Variants in OR2L3 observed in about 807,000 individuals in gnomAD.
The protein encoded by OR2L3 is olfactory receptor family 2 subfamily L member 3.
For missense variants in OR2L3, 369 were observed against 376.6 expected, an observed-to-expected ratio of 0.98 and a Z score of 0.17; for synonymous variants, 131 against 139.1, an observed-to-expected ratio of 0.94 and a Z score of 0.41.
chr1:248,047,764 G>A (rs1663125447), intron 1 of OR2L3, among the ~76,000 whole-genome samples: 1 of 152,200 alleles, frequency 6.6e-6, no homozygotes, highest in South Asian at 2.1e-4. Flanking sequence ...TACAGTCATA[G>A]CGGATAAGAA....
chr1:248,060,114 A>C (rs560784780), intron 1 of OR2L3, among the ~76,000 whole-genome samples: 152 of 152,296 alleles, frequency 1.0e-3, no homozygotes, highest in African/African-American at 3.6e-3. Flanking sequence ...TTCAAATATA[A>C]ATCTAAATGT....
At chr1:248,060,593 C>A in intron 1 of OR2L3, 68 bp from the exon 2 acceptor site, 2 of 1,002,876 alleles carry the variant, frequency 2.0e-6, no homozygotes, top group Non-Finnish European at 3.0e-6. Context: ...TACTGAGGGG[C>A]TTCAAATGCA....
At chr1:248,050,735 T>C (rs1047529531) in intron 1 of OR2L3, among the ~76,000 whole-genome samples, 19 of 152,202 alleles carry the variant, frequency 1.2e-4, no homozygotes, top group African/African-American at 4.6e-4. Context: ...ATTTCAAATA[T>C]TACATATTCT....
At chr1:248,052,542 C>T (rs1663293963) in intron 1 of OR2L3, among the ~76,000 whole-genome samples, 1 of 152,064 alleles carries the variant, frequency 6.6e-6, no homozygotes, top group Non-Finnish European at 1.5e-5. Flanking sequence ...TGCTGGCTAA[C>T]ATGGTGAAAC....
intron 1 of OR2L3, among the ~76,000 whole-genome samples, chr1:248,047,126 G>C (rs1663103039): frequency 6.6e-6 from 1 of 152,144 alleles, no homozygotes; most frequent in Non-Finnish European, 1.5e-5. Flanking sequence ...CAATTGAAGA[G>C]ACAGGGATAC....
intron 1 of OR2L3, among the ~76,000 whole-genome samples, chr1:248,056,672 CTT>C (rs36123035): frequency 3.7e-5 from 5 of 135,062 alleles, no homozygotes; most frequent in Admixed American, 7.5e-5. Flanking sequence ...TTTGAGGGGG[CTT>C]TTTTTTTTTT....
chr1:248,061,510 T>G lies in OR2L3; in HGVS notation c.829T>G (p.Tyr277Asp), dbSNP rs746132794. 2 of 1,613,916 alleles carry G rather than the reference T, an allele frequency of 1.2e-6. No individual in the cohort carries two copies. Among genetic ancestry groups the G allele is most frequent in the East Asian group, 2.2e-5 (1 of 44,872 alleles). The change falls in exon 2 of 2, where the codon TAC becomes GAC. Residue 277 changes from tyrosine (Y) to aspartate (D), a missense_variant. Tyr to Asp is a radical substitution (Grantham distance 160). Transcript: ENST00000359959. The part of the protein sequence containing the change: ...PTEDKVLAVF[Y>D]TTLTPMLNPI... ...AGAGGACAAGGTTCTGGCTGTCTTC[T>G]ACACCACCCTCACTCCAATGCTCAA... is the stretch of plus-strand genomic sequence containing the variant.
rs777283460 is a variant in OR2L3, at chr1:248,061,350, T to A, written c.669T>A (p.Ala223=). 6.2e-7 allele frequency: 1 copy of A among 1,614,004 alleles called. No homozygotes were observed. The highest frequency in any genetic ancestry group is 8.5e-7 in the Non-Finnish European group (1 of 1,180,008). The change falls in exon 2 of 2, where the codon GCT becomes GCA. Residue 223 remains alanine (A), a synonymous_variant. Coordinates refer to ENST00000359959, the MANE Select transcript of OR2L3 (RefSeq NM_001004687.2). ...ISCSYGRVLL[A]VYHMKSAEGR... ...GTTCCTATGGCCGGGTTCTCCTTGC[T>A]GTCTACCACATGAAATCTGCAGAAG...
chr1:248,061,187 A>G lies in OR2L3; in HGVS notation c.506A>G (p.Gln169Arg), dbSNP rs56834114. The change falls in exon 2 of 2, where the codon CAA becomes CGA. Residue 169 changes from glutamine to arginine, a missense_variant. Gln to Arg is a conservative substitution (Grantham distance 43, BLOSUM62 1). Coordinates refer to ENST00000359959, the MANE Select transcript of OR2L3 (RefSeq NM_001004687.2). The stretch of plus-strand genomic sequence containing the variant: ...TATGTACTCCATATTCCTTATTGCC[A>G]ATCCAGGGCCATCAATCATTTCTTC... ...TVYVLHIPYC[Q>R]SRAINHFFCD... 245,395 of 1,477,130 alleles carry G rather than the reference A, an allele frequency of 0.17. 32,650 individuals carry two copies. The highest frequency in any genetic ancestry group is 0.65 in the African/African-American group (46,115 of 71,358). 91.5% of individuals were successfully genotyped at this position (1,477,130 alleles called of 1,614,324 possible).
chr1:248,058,309 T>C (rs1663505786), intron 1 of OR2L3, among the ~76,000 whole-genome samples: 1 of 152,144 alleles, frequency 6.6e-6, no homozygotes, highest in Non-Finnish European at 1.5e-5. Flanking sequence ...TAATGCTTGA[T>C]TTTCTATATC....
At chr1:248,053,637 A>G (rs1663344619) in intron 1 of OR2L3, among the ~76,000 whole-genome samples, 1 of 152,168 alleles carries the variant, frequency 6.6e-6, no homozygotes, top group Non-Finnish European at 1.5e-5. Context: ...TTGACTTTTT[A>G]ATAATTGCCA....
At chr1:248,052,827 A>G (rs775677662) in intron 1 of OR2L3, among the ~76,000 whole-genome samples, 1 of 152,118 alleles carries the variant, frequency 6.6e-6, no homozygotes, top group African/African-American at 2.4e-5. Context: ...TTTAAGATTC[A>G]TATAAATTTT....
At chr1:248,047,518 G>C (rs1341491477) in intron 1 of OR2L3, among the ~76,000 whole-genome samples, 1 of 152,144 alleles carries the variant, frequency 6.6e-6, no homozygotes, top group East Asian at 1.9e-4. Context: ...AATAATGAAG[G>C]TAACCGTATG....
At chr1:248,058,620 A>T (rs1663518863) in intron 1 of OR2L3, among the ~76,000 whole-genome samples, 1 of 152,034 alleles carries the variant, frequency 6.6e-6, no homozygotes, top group African/African-American at 2.4e-5. Context: ...TTTTTAGGAA[A>T]TTTTTCCGAG....
chr1:248,061,755 T>C lies in OR2L3; in HGVS notation c.*135T>C, dbSNP rs981453827. ...GTAAGAGAAAAAAATCACTGATTTC[T>C]GGACAAAATTGTTTTACATATATAT... On this transcript the variant is annotated 3_prime_UTR_variant, in exon 2 of 2. Coordinates refer to ENST00000359959, the MANE Select transcript of OR2L3 (RefSeq NM_001004687.2). 5 of 778,414 alleles carry C rather than the reference T, an allele frequency of 6.4e-6. No homozygotes were observed. The Admixed American group carries it at 9.1e-5, about 14-fold the overall frequency. The allele number at this position is 778,414 out of a possible 1,614,324, so 48.2% of individuals were successfully genotyped here. A position where few individuals can be genotyped will look rare whatever the true frequency, so the allele number is the denominator to read the frequency against.
intron 1 of OR2L3, among the ~76,000 whole-genome samples, chr1:248,050,061 C>G (rs1663209810): frequency 6.6e-6 from 1 of 152,072 alleles, no homozygotes; most frequent in Non-Finnish European, 1.5e-5. Context: ...CGGAACGAAT[C>G]CTGTGACGTT....
intron 1 of OR2L3, among the ~76,000 whole-genome samples, chr1:248,054,578 G>A (rs1345845945): frequency 6.6e-6 from 1 of 152,126 alleles, no homozygotes; most frequent in East Asian, 1.9e-4. Context: ...CATGAGTATG[G>A]AATGTTTTTC....
At position 248,061,224 on chromosome 1, in the gene OR2L3, A is replaced by T. The variant is rs1663623995; in HGVS notation, c.543A>T (p.Pro181=). The change falls in exon 2 of 2, where the codon CCA becomes CCT. Residue 181 remains proline, a synonymous_variant. Coordinates refer to ENST00000359959, the MANE Select transcript of OR2L3 (RefSeq NM_001004687.2). ...TCAATCATTTCTTCTGTGATGTCCC[A>T]GCAATGGTGACTCTGGCCTGCATGG... ...RAINHFFCDV[P]AMVTLACMDT... 1 of 1,611,306 alleles carries T rather than the reference A, an allele frequency of 6.2e-7. No homozygotes were observed. Among genetic ancestry groups the T allele is most frequent in the African/African-American group, 1.4e-5 (1 of 73,312 alleles).
chr1:248,047,098 G>A (rs1258059570), intron 1 of OR2L3, among the ~76,000 whole-genome samples: 1 of 152,088 alleles, frequency 6.6e-6, no homozygotes, highest in East Asian at 1.9e-4. Flanking sequence ...TTTTCTGGAC[G>A]GGAAGGTAAA....
Sources: allele counts gnomAD v4.1 joint callset (sites outside exome capture counted in the v4.1 genomes callset), GRCh38; gene constraint gnomAD v4.1.1; transcripts MANE v1.5; gene names NCBI Gene and HGNC (gene_info 2026-07-23, HGNC 2026-07-21).